TRAF3: variants seen among roughly 807,000 people sequenced by gnomAD.
TRAF3 encodes the protein TNF receptor-associated factor 3.
TRAF3 carries 13 observed loss-of-function variants against 62.3 expected under a neutral mutation model. The observed-to-expected ratio is 0.21, with a 90% CI of 0.14 to 0.33. The LOEUF (loss-of-function observed/expected upper bound fraction) is 0.33. Among genes scored for constraint, TRAF3 ranks in the 10% least tolerant of loss-of-function variants. TRAF3 has a pLI of 1.00. For missense variants in TRAF3, 440 were observed against 741.8 expected (o/e 0.59, Z 4.73); for synonymous variants, 269 against 283.4 (o/e 0.95, Z 0.51).
chr14:102,864,984 T>C (rs1175991155), intron 2 of TRAF3, among the ~76,000 whole-genome samples: 1 of 152,236 alleles, frequency 6.6e-6, no homozygotes, highest in Non-Finnish European at 1.5e-5. Flanking sequence ...AAAACTCTCC[T>C]TTGCTCAGGA....
At chr14:102,898,602 G>A (rs1595408965) in intron 10 of TRAF3, among the ~76,000 whole-genome samples, 1 of 152,314 alleles carries the variant, frequency 6.6e-6, no homozygotes, top group East Asian at 1.9e-4. Context: ...TGGAAAGGCC[G>A]GGGAAATCAC....
At chr14:102,862,418 A>AG in intron 2 of TRAF3, among the ~76,000 whole-genome samples, 1 of 152,054 alleles carries the variant, frequency 6.6e-6, no homozygotes, top group East Asian at 1.9e-4. Context: ...AAAAAAAAAA[A>AG]AAATTATTGG....
At chr14:102,802,566 C>T (rs1211806580) in intron 1 of TRAF3, among the ~76,000 whole-genome samples, 8 of 151,616 alleles carry the variant, frequency 5.3e-5, no homozygotes, top group African/African-American at 9.7e-5. Context: ...CGGTGGCTCA[C>T]GCCTGTAATC....
intron 1 of TRAF3, among the ~76,000 whole-genome samples, chr14:102,817,632 A>G (rs1227725727): frequency 6.6e-6 from 1 of 152,202 alleles, no homozygotes; most frequent in African/African-American, 2.4e-5. Flanking sequence ...AGTAAGGGTG[A>G]CAAGGGGGAA....
rs1889595795 is a variant in TRAF3, at chr14:102,889,605, A to G, written c.697A>G (p.Ser233Gly). The change falls in exon 8 of 12, where the codon AGT (serine) becomes GGT (glycine). Residue 233 changes from serine to glycine, a missense_variant. By Grantham distance (56) the Ser-to-Gly change is moderately conservative. Coordinates refer to ENST00000392745, the MANE Select transcript of TRAF3 (RefSeq NM_145725.3). The part of the protein sequence containing the change: ...SECVNAPSTC[S>G]FKRYGCVFQG... ...GTGTGTCAATGCCCCCAGCACCTGT[A>G]GTTTTAAGCGCTATGGCTGCGTTTT... 6.2e-7 allele frequency: 1 copy of G among 1,614,226 alleles called. No individual in the cohort carries two copies. Among genetic ancestry groups the G allele is most frequent in the East Asian group, 2.2e-5 (1 of 44,896 alleles).
chr14:102,847,574 G>C (rs1886798148), intron 2 of TRAF3, among the ~76,000 whole-genome samples: 1 of 152,156 alleles, frequency 6.6e-6, no homozygotes. Flanking sequence ...AATTAAAGAA[G>C]GATAAGGTTG....
intron 2 of TRAF3, among the ~76,000 whole-genome samples, chr14:102,861,185 CT>C (rs553851301): frequency 6.4e-4 from 98 of 152,322 alleles, no homozygotes; most frequent in African/African-American, 2.3e-3. Context: ...CTAGTTTCCC[CT>C]TTTGGGGAGG....
intron 1 of TRAF3, among the ~76,000 whole-genome samples, chr14:102,829,190 A>C (rs1900510675): frequency 6.6e-6 from 1 of 152,212 alleles, no homozygotes; most frequent in Admixed American, 6.5e-5. Context: ...TCCAATGCCA[A>C]GAAATATAAT....
At chr14:102,783,102 C>T (rs1351573765) in intron 1 of TRAF3, among the ~76,000 whole-genome samples, 1 of 152,172 alleles carries the variant, frequency 6.6e-6, no homozygotes, top group Non-Finnish European at 1.5e-5. Context: ...GGGCCAGGCA[C>T]ATGGTAAGCT....
chr14:102,798,663 G>A (rs1898229656), intron 1 of TRAF3, among the ~76,000 whole-genome samples: 1 of 152,044 alleles, frequency 6.6e-6, no homozygotes, highest in Non-Finnish European at 1.5e-5. Flanking sequence ...TTTTTGTAGA[G>A]ATGGGGCCTC....
intron 2 of TRAF3, among the ~76,000 whole-genome samples, chr14:102,862,812 T>A (rs1887758550): frequency 6.6e-6 from 1 of 152,178 alleles, no homozygotes; most frequent in South Asian, 2.1e-4. Flanking sequence ...TTTCTTCTGT[T>A]CCTTACACTT....
chr14:102,811,548 C>CG (rs1440031607), intron 1 of TRAF3, among the ~76,000 whole-genome samples: 1,408 of 79,916 alleles, frequency 0.018, 13 homozygotes, highest in African/African-American at 0.051. Context: ...GCGCTGTAGG[C>CG]GGTTTTTTTT....
chr14:102,893,212 GTC>G (rs1889820545), intron 9 of TRAF3, among the ~76,000 whole-genome samples: 1 of 150,686 alleles, frequency 6.6e-6, no homozygotes. Flanking sequence ...GTGAAACCCC[GTC>G]TCTACCAAAA....
At chr14:102,794,402 T>TG (rs1897960975) in intron 1 of TRAF3, among the ~76,000 whole-genome samples, 1 of 152,328 alleles carries the variant, frequency 6.6e-6, no homozygotes, top group African/African-American at 2.4e-5. Context: ...AGGCTGGTCT[T>TG]GAACTCCTGG....
At chr14:102,819,449 G>A (rs1246577806) in intron 1 of TRAF3, among the ~76,000 whole-genome samples, 1 of 152,236 alleles carries the variant, frequency 6.6e-6, no homozygotes, top group Non-Finnish European at 1.5e-5. Flanking sequence ...TTGCTTTCAT[G>A]CAGTCTACCC....
chr14:102,903,293 T>G lies in TRAF3; in HGVS notation c.999T>G (p.Leu333=). ...GCCAAGCAGAGAAACTGAAGGAGCTTGACAAGGAGATCCGGCCCTTCCGGC... is the reference window on the plus strand; with the variant it reads ...GCCAAGCAGAGAAACTGAAGGAGCTGGACAAGGAGATCCGGCCCTTCCGGC... ...IDSQAEKLKE[L]DKEIRPFRQN... Residue 333 remains leucine (L), a synonymous_variant, in exon 11 of 12, where the codon CTT becomes CTG. Coordinates refer to ENST00000392745, the MANE Select transcript of TRAF3 (RefSeq NM_145725.3). This position sits in a 1 kb window ranked among gnomAD's most constrained non-coding sequence, Gnocchi z 6.4. The G allele has an allele frequency of 6.2e-7, 1 of 1,614,190 alleles. No homozygotes were observed. Among genetic ancestry groups the G allele is most frequent in the South Asian group, 1.1e-5 (1 of 91,088 alleles).
In TRAF3 at chr14:102,875,619, T is replaced by G; in HGVS notation, c.298-5T>G. 6.2e-7 allele frequency: 1 copy of G among 1,611,380 alleles called. No homozygotes were observed. The highest frequency in any genetic ancestry group is 8.5e-7 in the Non-Finnish European group (1 of 1,177,680). On this transcript the variant is annotated splice_polypyrimidine_tract_variant and splice_region_variant and intron_variant, in intron 4 of 11. Coordinates refer to ENST00000392745, the MANE Select transcript of TRAF3 (RefSeq NM_145725.3). The stretch of plus-strand genomic sequence containing the variant: ...TCCTCCAAAATAATGATCTTTCATT[T>G]TCAGGTGTTTAAGGATAATTGCTGC...
In TRAF3 at chr14:102,835,070, AC is replaced by A. The variant is rs1283113001; in HGVS notation, c.-18+4602del. ...CTTAAGAACTACAAGAAAAAAAACAACCCCATTAAAAAGTGGGCAAAGGGCA... is the reference window on the plus strand; with the variant it reads ...CTTAAGAACTACAAGAAAAAAAACAACCCATTAAAAAGTGGGCAAAGGGCA... On this transcript the variant is annotated intron_variant, in intron 2 of 11. Coordinates refer to ENST00000392745, the MANE Select transcript of TRAF3 (RefSeq NM_145725.3). Among the ~76,000 whole-genome samples the A allele has an allele frequency of 3.3e-5, 5 of 152,220 alleles. No homozygotes were observed. The East Asian group carries it at 9.7e-4, about 29-fold the overall frequency.
intron 9 of TRAF3, among the ~76,000 whole-genome samples, chr14:102,895,983 T>G (rs149549983): frequency 6.6e-6 from 1 of 152,226 alleles, no homozygotes; most frequent in South Asian, 2.1e-4. Flanking sequence ...CACGCTCTCA[T>G]TATGTTGGCA....
Sources: gnomAD v4.1 joint callset for allele counts (sites outside exome capture counted in the v4.1 genomes callset) on GRCh38, gnomAD v4.1.1 for gene constraint, Gnocchi (gnomAD v3.1) non-coding constraint, MANE v1.5 for transcripts, NCBI Gene and HGNC (gene_info 2026-07-23, HGNC 2026-07-21) for gene names.